Variants in RASSF3 observed in about 807,000 individuals in gnomAD.
RASSF3 encodes ras association domain-containing protein 3.
In RASSF3, 19 loss-of-function variants were observed where a neutral mutation model predicts 19.9. The observed-to-expected ratio is 0.96, with a 90% CI of 0.67 to 1.40. The LOEUF (loss-of-function observed/expected upper bound fraction) is 1.40, where lower values mean the gene tolerates loss of function less well. Ranked by LOEUF, RASSF3 falls within the 40% of genes most tolerant of loss-of-function variation. The pLI is 0.00. For synonymous variants in RASSF3, 110 were observed against 104.2 expected (o/e 1.06, Z -0.34); for missense variants, 306 against 289.8 (o/e 1.06, Z -0.41).
intron 2 of RASSF3, among the ~76,000 whole-genome samples, chr12:64,565,337 G>A (rs1412998009): frequency 1.3e-5 from 2 of 152,046 alleles, no homozygotes; most frequent in African/African-American, 4.8e-5. Context: ...AGCACTTTGG[G>A]AGGCTGAGGC....
intron 1 of RASSF3, among the ~76,000 whole-genome samples, chr12:64,664,646 T>C (rs1226553978): frequency 6.6e-6 from 1 of 152,192 alleles, no homozygotes; most frequent in East Asian, 1.9e-4. Flanking sequence ...GGAAATTCTT[T>C]CCCAATCTCC....
chr12:64,516,500 T>TCC (rs1016481776), intron 1 of RASSF3, among the ~76,000 whole-genome samples: 1 of 149,674 alleles, frequency 6.7e-6, no homozygotes, highest in African/African-American at 2.5e-5. Flanking sequence ...GCGCCTGTAG[T>TCC]CCCAGCTACT....
chr12:64,532,141 G>A (rs1317638662), upstream of RASSF3, among the ~76,000 whole-genome samples: 1 of 152,210 alleles, frequency 6.6e-6, no homozygotes, highest in Non-Finnish European at 1.5e-5. Context: ...GAAAGAGCTT[G>A]AGCACAAGTC....
chr12:64,545,802 C>T (rs1196689530), downstream of RASSF3, among the ~76,000 whole-genome samples: 1 of 152,136 alleles, frequency 6.6e-6, no homozygotes, highest in Non-Finnish European at 1.5e-5. Context: ...CGCTTGAGCC[C>T]TGCAGGTTGA....
intron 1 of RASSF3, among the ~76,000 whole-genome samples, chr12:64,641,400 G>GCACACACACACACACA (rs530475322): frequency 1.9e-4 from 20 of 106,924 alleles, no homozygotes; most frequent in African/African-American, 3.6e-4. Context: ...TGTCTCACAG[G>GCACACACACACACACA]CGCACACACA....
intron 1 of RASSF3, among the ~76,000 whole-genome samples, chr12:64,667,537 C>G (rs1872568760): frequency 6.6e-6 from 1 of 152,180 alleles, no homozygotes; most frequent in Non-Finnish European, 1.5e-5. Context: ...ATGGTCGTAG[C>G]TCCTATTCTA....
At chr12:64,512,308 A>C (rs1408053611) in intron 1 of RASSF3, among the ~76,000 whole-genome samples, 7 of 152,168 alleles carry the variant, frequency 4.6e-5, no homozygotes, top group Non-Finnish European at 1.0e-4. Flanking sequence ...TTCTATATTT[A>C]GTGACCTATA....
intron 2 of RASSF3, chr12:64,575,538 C>A (rs746025271): frequency 6.6e-6 from 1 of 152,054 alleles, no homozygotes; most frequent in Non-Finnish European, 1.5e-5. Context: ...CACTCCAGCC[C>A]GGGCAACCTC....
At chr12:64,642,691 G>A (rs929446155) in intron 1 of RASSF3, among the ~76,000 whole-genome samples, 2 of 136,962 alleles carry the variant, frequency 1.5e-5, no homozygotes, top group African/African-American at 5.4e-5. Flanking sequence ...ACAAAGTTTT[G>A]TAATACAAAA....
Position 64,537,973 on chromosome 12 carries a change from G to A in RASSF3, c.68-3608G>A, listed in dbSNP as rs138389392. On this transcript the variant is annotated intron_variant, in intron 1 of 1. Coordinates refer to the RASSF3 transcript ENST00000636333. ...TCCTCTTCGTCTTGGCCTGTGTGTC[G>A]TCTATGTCCTACTCGCCTCCTCTTT... Among the ~76,000 whole-genome samples, 66 of 150,950 alleles carry A rather than the reference G, an allele frequency of 4.4e-4. No homozygotes were observed. In the East Asian group the frequency reaches 4.9e-3, roughly 11 times the overall value.
At position 64,516,683 on chromosome 12, in the gene RASSF3, T is replaced by C. The variant is rs1345094657; in HGVS notation, c.169+9354T>C. 3.4e-5 allele frequency among the ~76,000 whole-genome samples: 5 copies of C among 146,782 alleles called. No individual in the cohort carries two copies. The South Asian group carries it at 1.1e-3, about 31-fold the overall frequency. ...CAACATGATTATATATCAGGAAAACTAAAAAAAATTAATTAACTGAAAATA... is the reference window on the plus strand; with the variant it reads ...CAACATGATTATATATCAGGAAAACCAAAAAAAATTAATTAACTGAAAATA... On this transcript the variant is annotated intron_variant, in intron 1 of 5. Transcript: ENST00000637125.
At chr12:64,693,142 C>CT (rs1386897377) in intron 4 of RASSF3, among the ~76,000 whole-genome samples, 2 of 136,538 alleles carry the variant, frequency 1.5e-5, no homozygotes, top group Non-Finnish European at 3.1e-5. Flanking sequence ...CTCCATGTTG[C>CT]TCTTTTTTTT....
chr12:64,665,094 T>G (rs1872502740), intron 1 of RASSF3, among the ~76,000 whole-genome samples: 1 of 152,142 alleles, frequency 6.6e-6, no homozygotes, highest in Non-Finnish European at 1.5e-5. Context: ...GTCATAGTAT[T>G]TTGTGGGCTA....
At chr12:64,598,137 T>G (rs1379166850) in intron 2 of RASSF3, among the ~76,000 whole-genome samples, 1 of 152,194 alleles carries the variant, frequency 6.6e-6, no homozygotes, top group Non-Finnish European at 1.5e-5. Flanking sequence ...CAAGCTGACC[T>G]AGAACTCCTG....
chr12:64,682,609 C>A (rs1229412811), intron 1 of RASSF3, among the ~76,000 whole-genome samples: 4 of 150,930 alleles, frequency 2.7e-5, no homozygotes, highest in Admixed American at 2.6e-4. Context: ...AATTTGTAGT[C>A]AGCACACCCC....
intron 1 of RASSF3, among the ~76,000 whole-genome samples, chr12:64,684,009 A>AGAGTGTGTGTGTGTGT (rs1375668873): frequency 1.4e-5 from 1 of 74,006 alleles, no homozygotes; most frequent in South Asian, 5.4e-4. Context: ...AGAGAGAGAG[A>AGAGTGTGTGTGTGTGT]GTGAGTGTGT....
At chr12:64,682,913 G>A (rs527625678) in intron 1 of RASSF3, among the ~76,000 whole-genome samples, 1 of 152,288 alleles carries the variant, frequency 6.6e-6, no homozygotes, top group East Asian at 1.9e-4. Flanking sequence ...CAGCTTTTCT[G>A]TAAGTTTTTA....
intron 1 of RASSF3, among the ~76,000 whole-genome samples, chr12:64,615,143 A>G (rs551686856): frequency 6.6e-6 from 1 of 152,352 alleles, no homozygotes; most frequent in African/African-American, 2.4e-5. Context: ...AAATGTGGAC[A>G]GTTGTGTAAT....
intron 2 of RASSF3, among the ~76,000 whole-genome samples, chr12:64,567,537 C>T (rs999700849): frequency 2.0e-5 from 3 of 152,252 alleles, no homozygotes; most frequent in South Asian, 2.1e-4. Context: ...CTCCACTGAC[C>T]GAACAGAGAC....
Sources: gnomAD v4.1 joint callset for allele counts (sites outside exome capture counted in the v4.1 genomes callset) on GRCh38, gnomAD v4.1.1 for gene constraint, MANE v1.5 for transcripts, NCBI Gene and HGNC (gene_info 2026-07-23, HGNC 2026-07-21) for gene names.